Variants in SAMD5 observed in about 807,000 individuals in gnomAD.
SAMD5 encodes the protein sterile alpha motif domain-containing protein 5.
In SAMD5, 13 loss-of-function variants were observed where a neutral mutation model predicts 11.3. The observed-to-expected ratio is 1.15, with a 90% CI of 0.75 to 1.83. The LOEUF (loss-of-function observed/expected upper bound fraction) is 1.83. Ranked by LOEUF, SAMD5 falls within the 40% of genes most tolerant of loss-of-function variation. The probability of loss-of-function intolerance (pLI) is 0.00; values close to 1 mark genes in which losing one functional copy is unlikely to be tolerated. For missense variants in SAMD5, 255 were observed against 239.1 expected (o/e 1.07, Z -0.44); for synonymous variants, 129 against 111.3 (o/e 1.16, Z -1.00).
At chr6:147,760,207 A>C in the SAMD5 span, among the ~76,000 whole-genome samples, 1 of 152,200 alleles carries the variant, frequency 6.6e-6, no homozygotes, top group East Asian at 1.9e-4. Context: ...CATGTTGATG[A>C]AAATGGTGCC....
the SAMD5 span, among the ~76,000 whole-genome samples, chr6:147,746,784 G>A: frequency 6.6e-6 from 1 of 152,174 alleles, no homozygotes; most frequent in Non-Finnish European, 1.5e-5. Context: ...GGAATACAAG[G>A]ACTAGTACGT....
chr6:147,702,990 T>G (rs1791275729), intron 1 of SAMD5, among the ~76,000 whole-genome samples: 1 of 152,156 alleles, frequency 6.6e-6, no homozygotes, highest in Admixed American at 6.6e-5. Flanking sequence ...AAAATATATT[T>G]TGTCCTTTGA....
downstream of SAMD5, among the ~76,000 whole-genome samples, chr6:147,739,474 T>C (rs191427131): frequency 6.9e-3 from 1,047 of 152,226 alleles, 9 homozygotes; most frequent in African/African-American, 0.024. Flanking sequence ...GGCATGTGCC[T>C]GTAGTCCCAG....
intron 1 of SAMD5, among the ~76,000 whole-genome samples, chr6:147,623,670 G>A (rs572129902): frequency 6.6e-6 from 1 of 152,240 alleles, no homozygotes; most frequent in East Asian, 1.9e-4. Context: ...ATAAGTTTTT[G>A]CTCATCATAA....
intron 1 of SAMD5, among the ~76,000 whole-genome samples, chr6:147,661,538 C>T (rs1047671942): frequency 1.3e-5 from 2 of 152,130 alleles, no homozygotes; most frequent in Non-Finnish European, 2.9e-5. Context: ...AGGAAACTGA[C>T]TTTTTGGAAG....
chr6:147,588,507 G>A (rs1009521202), intron 1 of SAMD5, among the ~76,000 whole-genome samples: 4 of 151,682 alleles, frequency 2.6e-5, no homozygotes, highest in African/African-American at 9.7e-5. Flanking sequence ...TGCATTTTTA[G>A]TAGAGACAGG....
At chr6:147,790,802 C>T in the SAMD5 span, among the ~76,000 whole-genome samples, 8 of 111,680 alleles carry the variant, frequency 7.2e-5, no homozygotes, top group African/African-American at 3.3e-4. Flanking sequence ...CTCTCTCTCT[C>T]TCTCTCTCTC....
At chr6:147,799,589 G>A in the SAMD5 span, among the ~76,000 whole-genome samples, 1 of 151,742 alleles carries the variant, frequency 6.6e-6, no homozygotes, top group African/African-American at 2.4e-5. Context: ...GGCGTTCTCT[G>A]TATTTCCTGA....
intron 1 of SAMD5, among the ~76,000 whole-genome samples, chr6:147,723,712 C>G (rs1360754631): frequency 6.6e-6 from 1 of 152,122 alleles, no homozygotes; most frequent in Admixed American, 6.5e-5. Context: ...TTCTTATTAC[C>G]AAGTTTCCCC....
the SAMD5 span, among the ~76,000 whole-genome samples, chr6:147,945,724 T>A: frequency 1.3e-5 from 2 of 152,156 alleles, no homozygotes; most frequent in Admixed American, 1.3e-4. Context: ...AGCCCCACCT[T>A]CCTCCTGGCT....
At chr6:147,910,633 G>A in the SAMD5 span, among the ~76,000 whole-genome samples, 52 of 152,246 alleles carry the variant, frequency 3.4e-4, no homozygotes, top group African/African-American at 1.1e-3. Context: ...TCCAGGCTGC[G>A]AATGAGAGGA....
chr6:147,571,517 G>A (rs970530233), downstream of SAMD5, among the ~76,000 whole-genome samples: 5 of 150,434 alleles, frequency 3.3e-5, no homozygotes, highest in Admixed American at 2.0e-4. Flanking sequence ...GTTACCCTGA[G>A]GACAGAGTAC....
the SAMD5 span, among the ~76,000 whole-genome samples, chr6:147,840,815 T>C: frequency 6.6e-6 from 1 of 152,232 alleles, no homozygotes; most frequent in Non-Finnish European, 1.5e-5. Flanking sequence ...GATATAATGA[T>C]CAGTATTTAA....
At chr6:147,521,842 CCTT>C (rs982042753) in intron 1 of SAMD5, among the ~76,000 whole-genome samples, 2 of 151,008 alleles carry the variant, frequency 1.3e-5, no homozygotes, top group Non-Finnish European at 3.0e-5. Context: ...AATTTTAAAA[CCTT>C]CTTTAAATAA....
chr6:147,881,326 G>A, the SAMD5 span, among the ~76,000 whole-genome samples: 3 of 152,102 alleles, frequency 2.0e-5, no homozygotes, highest in Non-Finnish European at 4.4e-5. Context: ...ATTCTAACAG[G>A]ATCATTTAGA....
At chr6:147,581,830 T>C (rs1789302945) in intron 1 of SAMD5, among the ~76,000 whole-genome samples, 1 of 152,182 alleles carries the variant, frequency 6.6e-6, no homozygotes, top group Non-Finnish European at 1.5e-5. Flanking sequence ...GGAATAGCTA[T>C]ACCTGGTGGG....
chr6:147,734,196 A>G (rs1322446108), intron 1 of SAMD5, among the ~76,000 whole-genome samples: 1 of 152,120 alleles, frequency 6.6e-6, no homozygotes, highest in Non-Finnish European at 1.5e-5. Context: ...TATGTGTTGC[A>G]TTTCTTTGTA....
the SAMD5 span, among the ~76,000 whole-genome samples, chr6:147,808,718 T>C: frequency 1.2e-4 from 19 of 152,340 alleles, no homozygotes; most frequent in African/African-American, 4.3e-4. Flanking sequence ...ATTGAATGTA[T>C]AATATATTGA....
At chr6:147,767,994 T>G in the SAMD5 span, among the ~76,000 whole-genome samples, 1 of 152,170 alleles carries the variant, frequency 6.6e-6, no homozygotes. Flanking sequence ...CAAGAACAGG[T>G]TCTTTTTGTT....
Sources: gnomAD v4.1 joint callset for allele counts (sites outside exome capture counted in the v4.1 genomes callset) on GRCh38, gnomAD v4.1.1 for gene constraint, MANE v1.5 for transcripts, NCBI Gene and HGNC (gene_info 2026-07-23, HGNC 2026-07-21) for gene names.